Variants in NCBP1 observed in about 807,000 individuals in gnomAD.
NCBP1 encodes the protein nuclear cap-binding protein subunit 1.
In NCBP1, 16 loss-of-function variants were observed where a neutral mutation model predicts 111.7. The observed-to-expected ratio is 0.14, with a 90% CI of 0.10 to 0.22. The LOEUF (loss-of-function observed/expected upper bound fraction) is 0.22. NCBP1 is among the 10% of genes least tolerant of loss of function. NCBP1 has a pLI of 1.00. For missense variants in NCBP1, 607 were observed against 957.5 expected (o/e 0.63, Z 4.83); for synonymous variants, 304 against 314.3 (o/e 0.97, Z 0.35).
In NCBP1 at chr9:97,645,220, C is replaced by T. The variant is rs749362324; in HGVS notation, c.485C>T (p.Pro162Leu). 1.2e-6 allele frequency: 2 copies of T among 1,609,094 alleles called. No homozygotes were observed. The highest frequency in any genetic ancestry group is 2.2e-5 in the East Asian group (1 of 44,806). Residue 162 changes from proline (P) to leucine (L), a missense_variant, in exon 5 of 23, where the codon CCT becomes CTT. Physicochemically the swap from Pro to Leu is moderately conservative, Grantham distance 98. Coordinates refer to ENST00000375147, the MANE Select transcript of NCBP1 (RefSeq NM_002486.5). Reference protein sequence around the residue: ...FVSVTQEEDVPQVRRDWYVYA... With the variant: ...FVSVTQEEDVLQVRRDWYVYA... ...AGCGTAACTCAGGAAGAAGATGTACCTCAGGTAAGAGAACCCCTCATGCTG... is the reference window on the plus strand; with the variant it reads ...AGCGTAACTCAGGAAGAAGATGTACTTCAGGTAAGAGAACCCCTCATGCTG...
chr9:97,645,205 A>T lies in NCBP1; in HGVS notation c.470A>T (p.Gln157Leu). Residue 157 changes from glutamine to leucine, a missense_variant, in exon 5 of 23, where the codon CAG becomes CTG. Transcript: ENST00000375147. ...TTTGAAAATTTTGTAAGCGTAACTC[A>T]GGAAGAAGATGTACCTCAGGTAAGA... ...AMFENFVSVT[Q>L]EEDVPQVRRD... 3.1e-6 allele frequency: 5 copies of T among 1,612,750 alleles called. No homozygotes were observed. Among genetic ancestry groups the T allele is most frequent in the Non-Finnish European group, 4.2e-6 (5 of 1,178,922 alleles).
At position 97,654,901 on chromosome 9, in the gene NCBP1, C is replaced by G. The variant is rs1827604521; in HGVS notation, c.1192C>G (p.Leu398Val). The change falls in exon 12 of 23, where the codon CTA (leucine) becomes GTA (valine). Residue 398 changes from leucine to valine, a missense_variant. By Grantham distance (32) the Leu-to-Val change is conservative (BLOSUM62 1). Coordinates refer to ENST00000375147, the MANE Select transcript of NCBP1 (RefSeq NM_002486.5). ...PQVLAQATEM[L>V]YMRLDTMNTT... Reference sequence around the variant, plus strand: ...ACAGCTTGCACAGGCAACTGAAATGCTATACATGCGTTTGGACACAATGAA... The same window carrying G: ...ACAGCTTGCACAGGCAACTGAAATGGTATACATGCGTTTGGACACAATGAA... 2 of 1,613,204 alleles carry G rather than the reference C, an allele frequency of 1.2e-6. No homozygotes were observed. The highest frequency in any genetic ancestry group is 8.5e-7 in the Non-Finnish European group (1 of 1,179,658).
chr9:97,665,944 G>A (rs982368397), intron 19 of NCBP1, among the ~76,000 whole-genome samples: 3 of 152,198 alleles, frequency 2.0e-5, no homozygotes, highest in Admixed American at 6.5e-5. Context: ...TGAAGTGAGA[G>A]TGGATCATCA....
rs186974793 is a variant in NCBP1 at position 97,655,433 on chromosome 9, T to G, written c.1236-269T>G. On this transcript the variant is annotated intron_variant, in intron 12 of 22. Transcript: ENST00000375147. Reference sequence around the variant, plus strand: ...TGCTTCAGTTTCATCATCTTTTATATGGAGAAAATAATATGTACCTTGGAA... The same window carrying G: ...TGCTTCAGTTTCATCATCTTTTATAGGGAGAAAATAATATGTACCTTGGAA... 2.0e-4 allele frequency among the ~76,000 whole-genome samples: 30 copies of G among 152,228 alleles called. No homozygotes were observed. The East Asian group carries it at 5.8e-3, about 29-fold the overall frequency.
At chr9:97,652,374 T>C (rs1012774027) in intron 10 of NCBP1, among the ~76,000 whole-genome samples, 1 of 152,166 alleles carries the variant, frequency 6.6e-6, no homozygotes, top group African/African-American at 2.4e-5. Context: ...TTCCAGCAAT[T>C]TGCGGGGCTC....
In NCBP1 at chr9:97,653,890, T is replaced by A. The variant is rs1447939631; in HGVS notation, c.1152T>A (p.Pro384=). ...TCATTGAACTGTGCAAACTTCAACC[T>A]GGCTCTCTACCCCAAGTTGTATCCT... is the stretch of plus-strand genomic sequence containing the variant. ...TLLIELCKLQ[P]GSLPQVLAQA... The change falls in exon 11 of 23, where the codon CCT becomes CCA. Residue 384 remains proline (P), a synonymous_variant. Transcript: ENST00000375147. 8.7e-6 allele frequency: 14 copies of A among 1,612,760 alleles called. No homozygotes were observed. Among genetic ancestry groups the A allele is most frequent in the Non-Finnish European group, 1.2e-5 (14 of 1,179,062 alleles).
Position 97,633,891 on chromosome 9 carries a change from C to T in NCBP1, c.10C>T (p.Arg4Trp), listed in dbSNP as rs752897059. 1.3e-6 allele frequency: 2 copies of T among 1,588,562 alleles called. No individual in the cohort carries two copies. Among genetic ancestry groups the T allele is most frequent in the Non-Finnish European group, 8.5e-7 (1 of 1,173,496 alleles). ...CGCACCGGAGGGCAGCATGTCGCGG[C>T]GGCGGCACAGCGACGAGAACGACGG... Reference protein sequence around the residue: MSRRRHSDENDGGQ... With the variant: MSRWRHSDENDGGQ... The change falls in exon 1 of 23, where the codon CGG becomes TGG. Residue 4 changes from arginine to tryptophan, a missense_variant. Coordinates refer to ENST00000375147, the MANE Select transcript of NCBP1 (RefSeq NM_002486.5).
intron 13 of NCBP1, 113 bp downstream of exon 13, chr9:97,655,877 G>C: frequency 2.4e-5 from 31 of 1,305,016 alleles, no homozygotes; most frequent in Non-Finnish European, 3.1e-5. Flanking sequence ...TTGTAGTTAA[G>C]TACAAATAGT....
At chr9:97,657,451 T>C (rs1454595573) in intron 14 of NCBP1, among the ~76,000 whole-genome samples, 1 of 152,220 alleles carries the variant, frequency 6.6e-6, no homozygotes, top group Non-Finnish European at 1.5e-5. Context: ...TTGTTAATGC[T>C]CTTGGTGTGT....
Position 97,666,863 on chromosome 9 carries a change from A to G in NCBP1, c.2002A>G (p.Arg668Gly). Residue 668 changes from arginine (R) to glycine (G), a missense_variant, in exon 20 of 23, where the codon AGG becomes GGG. Coordinates refer to ENST00000375147, the MANE Select transcript of NCBP1 (RefSeq NM_002486.5). ...ELEEAKEKLA[R>G]QHKRRSDDDD... ...GGAAGAAGCTAAAGAGAAACTTGCT[A>G]GGCAACACAAACGGGTAAGTTTTGT... 1 of 1,604,534 alleles carries G rather than the reference A, an allele frequency of 6.2e-7. No homozygotes were observed. The highest frequency in any genetic ancestry group is 1.1e-5 in the South Asian group (1 of 88,810).
At chr9:97,649,361 C>A (rs1827436747) in intron 8 of NCBP1, among the ~76,000 whole-genome samples, 1 of 152,114 alleles carries the variant, frequency 6.6e-6, no homozygotes, top group Non-Finnish European at 1.5e-5. Context: ...ACTCTCCCTG[C>A]CTCAGTTTTG....
intron 4 of NCBP1, among the ~76,000 whole-genome samples, chr9:97,644,420 A>G (rs1018286813): frequency 3.9e-5 from 6 of 152,074 alleles, no homozygotes; most frequent in Non-Finnish European, 7.4e-5. Context: ...TTTATGACCT[A>G]GCCTAATTGT....
intron 1 of NCBP1, among the ~76,000 whole-genome samples, chr9:97,636,654 ATAT>A: frequency 7.4e-6 from 1 of 134,312 alleles, no homozygotes; most frequent in South Asian, 2.2e-4. Flanking sequence ...ATATATATAT[ATAT>A]ATATATATAT....
intron 4 of NCBP1, among the ~76,000 whole-genome samples, chr9:97,644,584 C>A (rs1827283874): frequency 6.6e-6 from 1 of 152,100 alleles, no homozygotes; most frequent in Non-Finnish European, 1.5e-5. Context: ...TAGTGTTTAG[C>A]AATAGCACAC....
intron 1 of NCBP1, among the ~76,000 whole-genome samples, chr9:97,635,245 A>G (rs939912985): frequency 1.3e-5 from 2 of 152,170 alleles, no homozygotes; most frequent in Non-Finnish European, 2.9e-5. Context: ...GAGCATAACT[A>G]AGATGGAGGG....
chr9:97,664,282 C>CAT (rs780264778), intron 18 of NCBP1, 58 bp from the exon 19 acceptor site: 25 of 1,086,774 alleles, frequency 2.3e-5, no homozygotes, highest in Non-Finnish European at 3.1e-5. Context: ...TGTGGTGGCA[C>CAT]ATATATATGT....
At chr9:97,646,501 C>G (rs190827800) in intron 6 of NCBP1, among the ~76,000 whole-genome samples, 1 of 151,944 alleles carries the variant, frequency 6.6e-6, no homozygotes, top group East Asian at 1.9e-4. Flanking sequence ...TTAATAGCTA[C>G]TTAGTTGGTT....
At chr9:97,664,976 C>T (rs1587724898) in intron 19 of NCBP1, among the ~76,000 whole-genome samples, 1 of 152,148 alleles carries the variant, frequency 6.6e-6, no homozygotes, top group Non-Finnish European at 1.5e-5. Context: ...CCTCATTCCC[C>T]CTAACGGAAA....
rs762991785 is a variant in NCBP1, at chr9:97,647,959, T to G, written c.682-49T>G. 3 of 1,421,784 alleles carry G rather than the reference T, an allele frequency of 2.1e-6. No individual in the cohort carries two copies. The African/African-American group carries it at 4.3e-5, about 20-fold the overall frequency. The allele number at this position is 1,421,784 out of a possible 1,614,324, so 88.1% of individuals were successfully genotyped here. ...AGGGTAGTGATTTTTTCATTTTGTC[T>G]AGTCAAAATGTTAATTATATTAATG... On this transcript the variant is annotated intron_variant, in intron 7 of 22. Transcript: ENST00000375147.
Sources: allele counts gnomAD v4.1 joint callset (sites outside exome capture counted in the v4.1 genomes callset), GRCh38; gene constraint gnomAD v4.1.1; transcripts MANE v1.5; gene names NCBI Gene and HGNC (gene_info 2026-07-23, HGNC 2026-07-21).